ARHGAP39: variants seen among roughly 807,000 people sequenced by gnomAD.
ARHGAP39 encodes rho GTPase-activating protein 39.
In ARHGAP39, 44 loss-of-function variants were observed where a neutral mutation model predicts 106.9. The ratio of observed to expected loss-of-function variants is 0.41; its 90% CI spans 0.32 to 0.53. The LOEUF (loss-of-function observed/expected upper bound fraction) is 0.53, where lower values mean the gene tolerates loss of function less well. ARHGAP39 is among the 20% of genes least tolerant of loss of function. ARHGAP39 has a pLI of 0.21. For synonymous variants in ARHGAP39, 768 were observed against 693.2 expected, an observed-to-expected ratio of 1.11 and a Z score of -1.69; for missense variants, 1,496 against 1,577.3, an observed-to-expected ratio of 0.95 and a Z score of 0.87.
intron 1 of ARHGAP39, among the ~76,000 whole-genome samples, chr8:144,617,193 C>T (rs983709715): frequency 6.6e-6 from 1 of 150,566 alleles, no homozygotes. Context: ...GGCGACAGAG[C>T]GAGACTCTGT....
At chr8:144,597,669 A>G (rs1224560169) in intron 2 of ARHGAP39, among the ~76,000 whole-genome samples, 2 of 152,206 alleles carry the variant, frequency 1.3e-5, no homozygotes, top group African/African-American at 4.8e-5. Context: ...AGTCTGATCA[A>G]ATGGGAAAGG....
intron 1 of ARHGAP39, among the ~76,000 whole-genome samples, chr8:144,675,088 C>T (rs541397564): frequency 1.3e-5 from 2 of 152,254 alleles, no homozygotes; most frequent in Admixed American, 1.3e-4. Flanking sequence ...GAAGGGGGTG[C>T]AGCTCCTGCC....
chr8:144,617,586 A>C (rs1302209594), intron 1 of ARHGAP39, among the ~76,000 whole-genome samples: 8 of 130,850 alleles, frequency 6.1e-5, no homozygotes, highest in African/African-American at 2.0e-4. Flanking sequence ...CTGAAAAGAC[A>C]AAAAAAAAAA....
intron 2 of ARHGAP39, among the ~76,000 whole-genome samples, chr8:144,589,038 C>CA (rs1819290172): frequency 6.6e-6 from 1 of 152,172 alleles, no homozygotes; most frequent in African/African-American, 2.4e-5. Context: ...GGTGCAAACC[C>CA]AAGCGTCTGC....
chr8:144,602,799 TG>T (rs1820089903), intron 2 of ARHGAP39, among the ~76,000 whole-genome samples: 2 of 124,130 alleles, frequency 1.6e-5, no homozygotes, highest in East Asian at 5.6e-4. Context: ...TGTGTGTGCA[TG>T]TGCATGGAGG....
At chr8:144,630,972 A>G (rs2130978328) in intron 1 of ARHGAP39, among the ~76,000 whole-genome samples, 1 of 152,398 alleles carries the variant, frequency 6.6e-6, no homozygotes, top group East Asian at 1.9e-4. Flanking sequence ...TACAGGTAGC[A>G]TGGCACCAAC....
At chr8:144,543,671 C>T (rs1464902812) in intron 6 of ARHGAP39, among the ~76,000 whole-genome samples, 1 of 152,246 alleles carries the variant, frequency 6.6e-6, no homozygotes, top group Admixed American at 6.5e-5. Context: ...GCCAGGACCC[C>T]ACAGGTGTAA....
upstream of ARHGAP39, among the ~76,000 whole-genome samples, chr8:144,686,164 C>G (rs909004299): frequency 6.6e-6 from 1 of 152,120 alleles, no homozygotes; most frequent in Non-Finnish European, 1.5e-5. Flanking sequence ...ATTTTGCCCT[C>G]TCAAACCACG....
intron 3 of ARHGAP39, among the ~76,000 whole-genome samples, chr8:144,573,437 C>A (rs1818654474): frequency 6.8e-6 from 1 of 147,382 alleles, no homozygotes; most frequent in Non-Finnish European, 1.5e-5. Context: ...CGGGGAACAT[C>A]ACACACCACG....
intron 6 of ARHGAP39, among the ~76,000 whole-genome samples, chr8:144,540,002 C>A (rs60370415): frequency 0.024 from 3,719 of 152,314 alleles, 146 homozygotes; most frequent in African/African-American, 0.085. Flanking sequence ...ACAGTATTGC[C>A]TTCTGATTCA....
chr8:144,693,206 A>T, the ARHGAP39 span, among the ~76,000 whole-genome samples: 2 of 150,012 alleles, frequency 1.3e-5, no homozygotes, highest in Admixed American at 1.3e-4. Context: ...CTGGGATTAC[A>T]GGCATGTGCC....
chr8:144,568,941 T>A (rs1818493983), intron 3 of ARHGAP39, among the ~76,000 whole-genome samples: 1 of 152,006 alleles, frequency 6.6e-6, no homozygotes, highest in Non-Finnish European at 1.5e-5. Flanking sequence ...GACGACAGAT[T>A]TACGCCTAAG....
rs774426297 is a variant in ARHGAP39, at chr8:144,530,472, G to C, written c.3295C>G (p.Arg1099Gly). 5 of 1,611,290 alleles carry C rather than the reference G, an allele frequency of 3.1e-6. No homozygotes were observed. Among genetic ancestry groups the C allele is most frequent in the Non-Finnish European group, 3.4e-6 (4 of 1,179,266 alleles). ...GTGTCCAGGTGCTGGATGAGCACCC[G>C]CAGGAAGGACATCTCCTTGCGGGTG... The part of the protein sequence containing the change: ...ENTRKEMSFL[R>G]VLIQHLDTSF... Residue 1099 changes from arginine (R) to glycine (G), a missense_variant, in exon 12 of 12, where the codon CGG (arginine) becomes GGG (glycine). Coordinates refer to ENST00000377307, the MANE Select transcript of ARHGAP39 (RefSeq NM_025251.3).
chr8:144,601,012 G>C (rs750237488), intron 2 of ARHGAP39, among the ~76,000 whole-genome samples: 14 of 149,692 alleles, frequency 9.4e-5, no homozygotes, highest in Middle Eastern at 3.6e-3. Flanking sequence ...CTGTGTGTGT[G>C]CGTGGAGGCG....
chr8:144,545,987 C>T (rs748445102), intron 5 of ARHGAP39, among the ~76,000 whole-genome samples, 177 bp from the exon 6 acceptor site: 6 of 152,200 alleles, frequency 3.9e-5, no homozygotes, highest in Non-Finnish European at 5.9e-5. Context: ...GAGCCCAGCC[C>T]GTCCACAGAT....
chr8:144,607,965 T>C (rs1189729795), intron 1 of ARHGAP39, among the ~76,000 whole-genome samples: 4 of 151,974 alleles, frequency 2.6e-5, no homozygotes, highest in Non-Finnish European at 5.9e-5. Flanking sequence ...AAGACCAGCC[T>C]AGCCAACACA....
At chr8:144,626,666 G>T (rs1820924230) in intron 1 of ARHGAP39, among the ~76,000 whole-genome samples, 1 of 152,236 alleles carries the variant, frequency 6.6e-6, no homozygotes, top group Non-Finnish European at 1.5e-5. Flanking sequence ...AACACCACCA[G>T]CATCTCTTCC....
At chr8:144,553,822 G>GCCGC (rs1817810888) in intron 4 of ARHGAP39, among the ~76,000 whole-genome samples, 1 of 152,248 alleles carries the variant, frequency 6.6e-6, no homozygotes. Flanking sequence ...ACTGGGCTGG[G>GCCGC]CCGCCCAACG....
chr8:144,617,434 G>A (rs1820666856), intron 1 of ARHGAP39, among the ~76,000 whole-genome samples: 2 of 151,928 alleles, frequency 1.3e-5, no homozygotes. Flanking sequence ...CACAAACCAG[G>A]AGACCTGAGC....
Sources: gnomAD v4.1 joint callset for allele counts (sites outside exome capture counted in the v4.1 genomes callset) on GRCh38, gnomAD v4.1.1 for gene constraint, MANE v1.5 for transcripts, NCBI Gene and HGNC (gene_info 2026-07-23, HGNC 2026-07-21) for gene names.